Variants in TCERG1L observed in about 807,000 individuals in gnomAD.
The protein encoded by TCERG1L is transcription elongation regulator 1 like.
TCERG1L carries 37 observed loss-of-function variants against 56.3 expected under a neutral mutation model. The observed-to-expected ratio is 0.66, with a 90% confidence interval of 0.51 to 0.87. TCERG1L has a LOEUF of 0.87. Among genes scored for constraint, TCERG1L ranks in the 40% least tolerant of loss-of-function variants. TCERG1L has a pLI of 0.00. For synonymous variants in TCERG1L, 324 were observed against 326.3 expected, an observed-to-expected ratio of 0.99 and a Z score of 0.08; for missense variants, 799 against 774.2, an observed-to-expected ratio of 1.03 and a Z score of -0.38.
chr10:131,204,404 C>A (rs187469691), intron 4 of TCERG1L, among the ~76,000 whole-genome samples: 4 of 151,194 alleles, frequency 2.6e-5, no homozygotes, highest in East Asian at 2.0e-4. Flanking sequence ...CCTGCCCCCC[C>A]ACCCTGCCCC....
intron 3 of TCERG1L, among the ~76,000 whole-genome samples, chr10:131,292,231 C>T (rs1846636209): frequency 1.3e-5 from 2 of 152,194 alleles, no homozygotes; most frequent in Non-Finnish European, 2.9e-5. Flanking sequence ...GGTTCACCTT[C>T]ATTCTTTAGT....
intron 4 of TCERG1L, among the ~76,000 whole-genome samples, chr10:131,168,595 A>G (rs978043813): frequency 1.3e-5 from 2 of 152,204 alleles, no homozygotes; most frequent in Non-Finnish European, 1.5e-5. Context: ...GCAGAAACAC[A>G]GCATTCCACC....
At chr10:131,115,905 C>T (rs1013567170) in intron 9 of TCERG1L, among the ~76,000 whole-genome samples, 1 of 152,164 alleles carries the variant, frequency 6.6e-6, no homozygotes, top group Non-Finnish European at 1.5e-5. Context: ...GCAGCTCCAC[C>T]CCTGCCCCCT....
intron 11 of TCERG1L, 134 bp downstream of exon 11, chr10:131,098,172 G>T (rs1589773735): frequency 3.3e-6 from 3 of 911,010 alleles, no homozygotes; most frequent in Non-Finnish European, 3.3e-6. Context: ...TCACTGGCAG[G>T]TCTTCAAAGC....
intron 6 of TCERG1L, among the ~76,000 whole-genome samples, chr10:131,156,865 G>C (rs1198452913): frequency 2.0e-5 from 3 of 152,152 alleles, no homozygotes; most frequent in Non-Finnish European, 4.4e-5. Flanking sequence ...CTCAGCTCTT[G>C]AGACAGGCGT....
chr10:131,304,621 A>T (rs1001800354), intron 3 of TCERG1L, among the ~76,000 whole-genome samples: 4 of 152,046 alleles, frequency 2.6e-5, no homozygotes. Flanking sequence ...GTCCTAGATA[A>T]TTTCTCCATT....
chr10:131,265,178 G>A (rs1321225157), intron 3 of TCERG1L, among the ~76,000 whole-genome samples: 1 of 152,088 alleles, frequency 6.6e-6, no homozygotes, highest in Non-Finnish European at 1.5e-5. Flanking sequence ...AGGTGAGAGT[G>A]GTTTGTATAT....
At chr10:131,276,999 G>A (rs1402004044) in intron 3 of TCERG1L, among the ~76,000 whole-genome samples, 1 of 152,228 alleles carries the variant, frequency 6.6e-6, no homozygotes, top group South Asian at 2.1e-4. Context: ...CTGCTGTTGA[G>A]TTGTCATGTC....
At chr10:131,175,653 G>A (rs576470614) in intron 4 of TCERG1L, among the ~76,000 whole-genome samples, 1 of 152,364 alleles carries the variant, frequency 6.6e-6, no homozygotes, top group East Asian at 1.9e-4. Context: ...TTTATCCAAA[G>A]TAGGGATGTT....
chr10:131,098,108 G>A (rs893034532), intron 11 of TCERG1L, among the ~76,000 whole-genome samples, 198 bp downstream of exon 11: 2 of 152,218 alleles, frequency 1.3e-5, no homozygotes, highest in Non-Finnish European at 2.9e-5. Flanking sequence ...ACTGATGAGA[G>A]GGACATTTGG....
chr10:131,215,610 A>T (rs1845662475), intron 4 of TCERG1L, among the ~76,000 whole-genome samples: 1 of 152,180 alleles, frequency 6.6e-6, no homozygotes, highest in Non-Finnish European at 1.5e-5. Flanking sequence ...CGGGAGAGTT[A>T]GGCTCTGAGG....
At position 131,156,594 on chromosome 10, in the gene TCERG1L, C is replaced by T. The variant is rs373300579; in HGVS notation, c.1034+6528G>A. 2.3e-3 allele frequency among the ~76,000 whole-genome samples: 355 copies of T among 152,290 alleles called. 2 individuals carry two copies. The South Asian group carries it at 0.026, about 11-fold the overall frequency. On this transcript the variant is annotated intron_variant, in intron 6 of 11. Transcript: ENST00000368642. ...AAAAGGCAGAAATGAAATCCACAAGCAGACAGCCCGGCGCCACACCCTGGA... is the reference window on the plus strand; with the variant it reads ...AAAAGGCAGAAATGAAATCCACAAGTAGACAGCCCGGCGCCACACCCTGGA...
chr10:131,285,446 A>C (rs1264936973), intron 3 of TCERG1L, among the ~76,000 whole-genome samples: 1 of 146,744 alleles, frequency 6.8e-6, no homozygotes, highest in African/African-American at 2.5e-5. Flanking sequence ...AAAGAGAAAC[A>C]AAGAAAGAGA....
intron 4 of TCERG1L, among the ~76,000 whole-genome samples, chr10:131,186,504 G>A (rs909472235): frequency 1.3e-5 from 2 of 152,206 alleles, no homozygotes; most frequent in East Asian, 1.9e-4. Context: ...CCAGAGACAC[G>A]AGGCTGCAGA....
intron 5 of TCERG1L, among the ~76,000 whole-genome samples, chr10:131,163,701 T>TA (rs554983119): frequency 2.4e-4 from 37 of 152,268 alleles, no homozygotes; most frequent in African/African-American, 7.5e-4. Context: ...CTCTGCCACA[T>TA]AGAGTCTAGT....
chr10:131,120,298 A>C (rs1220229921), intron 8 of TCERG1L, among the ~76,000 whole-genome samples: 1 of 152,154 alleles, frequency 6.6e-6, no homozygotes, highest in Admixed American at 6.5e-5. Flanking sequence ...TCCAAGACCC[A>C]GTGGAGCTGA....
intron 3 of TCERG1L, among the ~76,000 whole-genome samples, chr10:131,278,655 T>C (rs919648002): frequency 1.3e-5 from 2 of 152,156 alleles, no homozygotes; most frequent in African/African-American, 4.8e-5. Flanking sequence ...CATCGTCTTT[T>C]CAAGACATGA....
intron 4 of TCERG1L, among the ~76,000 whole-genome samples, chr10:131,210,421 G>A (rs1025575433): frequency 6.6e-6 from 1 of 152,198 alleles, no homozygotes; most frequent in Admixed American, 6.5e-5. Flanking sequence ...AAGAGAGCCA[G>A]CTCTGACCAA....
chr10:131,101,011 G>A (rs779186851), intron 10 of TCERG1L, among the ~76,000 whole-genome samples: 1 of 152,316 alleles, frequency 6.6e-6, no homozygotes, highest in East Asian at 1.9e-4. Flanking sequence ...AGGACGTTAG[G>A]ACAGGCCCAC....
Sources: allele counts gnomAD v4.1 joint callset (sites outside exome capture counted in the v4.1 genomes callset), GRCh38; gene constraint gnomAD v4.1.1; transcripts MANE v1.5; gene names NCBI Gene and HGNC (gene_info 2026-07-23, HGNC 2026-07-21).